The following GAB1 variants were observed in gnomAD, a reference collection of about 807,000 sequenced individuals.
GAB1 encodes the protein GRB2 associated binding protein 1.
In GAB1, 19 loss-of-function variants were observed where a neutral mutation model predicts 66.5. That is an observed-to-expected ratio of 0.29 (90% CI 0.20 to 0.42). The LOEUF (loss-of-function observed/expected upper bound fraction) is 0.42, where lower values mean the gene tolerates loss of function less well. GAB1 is among the 10% of genes least tolerant of loss of function. The pLI is 1.00. For missense variants in GAB1, 732 were observed against 858.5 expected (o/e 0.85, Z 1.84); for synonymous variants, 294 against 301.4 (o/e 0.98, Z 0.25).
At chr4:143,405,333 AGTT>A (rs1454861584) in intron 1 of GAB1, among the ~76,000 whole-genome samples, 1 of 152,220 alleles carries the variant, frequency 6.6e-6, no homozygotes, top group Non-Finnish European at 1.5e-5. Flanking sequence ...GGCACTGTGA[AGTT>A]GTAGGTTCCT....
intron 8 of GAB1, among the ~76,000 whole-genome samples, chr4:143,460,883 C>G (rs1373536349): frequency 6.6e-6 from 1 of 152,090 alleles, no homozygotes. Context: ...ATTTTTTATA[C>G]TCTTCAAGAA....
Position 143,383,797 on chromosome 4 carries a change from T to G in GAB1, c.73-31680T>G, listed in dbSNP as rs569297556. ...AAGTTCAAGATATGCCAAATAGTCT[T>G]GGCACAATGGCTCACACCTGTAATT... On this transcript the variant is annotated intron_variant, in intron 1 of 9. Coordinates refer to ENST00000262994, the MANE Select transcript of GAB1 (RefSeq NM_002039.4). Among the ~76,000 whole-genome samples the G allele has an allele frequency of 4.8e-4, 73 of 152,172 alleles. 2 individuals are homozygous for G. The highest frequency in any genetic ancestry group is 4.7e-4 in the Non-Finnish European group (32 of 68,028).
At chr4:143,400,524 A>G (rs890244958) in intron 1 of GAB1, among the ~76,000 whole-genome samples, 5 of 152,164 alleles carry the variant, frequency 3.3e-5, no homozygotes, top group African/African-American at 1.2e-4. Flanking sequence ...TCCCCTTCTT[A>G]ATCTATGCCA....
intron 1 of GAB1, among the ~76,000 whole-genome samples, chr4:143,368,737 G>A (rs993390042): frequency 2.0e-5 from 3 of 152,068 alleles, no homozygotes; most frequent in Non-Finnish European, 4.4e-5. Context: ...TGCTTGCTGC[G>A]ATACAAGGCT....
At chr4:143,368,600 A>G (rs1729984934) in intron 1 of GAB1, among the ~76,000 whole-genome samples, 1 of 151,854 alleles carries the variant, frequency 6.6e-6, no homozygotes, top group Non-Finnish European at 1.5e-5. Flanking sequence ...TCCTTCGGAG[A>G]TTTTTCTTCA....
intron 1 of GAB1, among the ~76,000 whole-genome samples, chr4:143,370,222 A>G (rs1730057629): frequency 6.6e-6 from 1 of 152,198 alleles, no homozygotes; most frequent in Non-Finnish European, 1.5e-5. Context: ...AAGAAAGAGG[A>G]GGAAATGTTA....
intron 6 of GAB1, among the ~76,000 whole-genome samples, chr4:143,449,972 T>C (rs995881430): frequency 3.9e-5 from 6 of 152,128 alleles, no homozygotes; most frequent in African/African-American, 1.2e-4. Flanking sequence ...AAAAACTACA[T>C]GTATACACTA....
chr4:143,366,802 G>A lies in GAB1; in HGVS notation c.72+29542G>A, dbSNP rs115465297. Among the ~76,000 whole-genome samples the A allele has an allele frequency of 6.2e-3, 944 of 151,974 alleles. 8 individuals are homozygous for A. The highest frequency in any genetic ancestry group is 0.022 in the African/African-American group (902 of 41,440). Reference sequence around the variant, plus strand: ...TTTTCAATTTGAAAATTTTCAATTTGAAAAAATTGATTTTCAATTCAATTT... The same window carrying A: ...TTTTCAATTTGAAAATTTTCAATTTAAAAAAATTGATTTTCAATTCAATTT... On this transcript the variant is annotated intron_variant, in intron 1 of 9. Coordinates refer to ENST00000262994, the MANE Select transcript of GAB1 (RefSeq NM_002039.4).
At chr4:143,377,759 A>G (rs1239019156) in intron 1 of GAB1, among the ~76,000 whole-genome samples, 1 of 152,200 alleles carries the variant, frequency 6.6e-6, no homozygotes, top group Non-Finnish European at 1.5e-5. Flanking sequence ...CTTCTGTTAT[A>G]CAGAAATACT....
intron 1 of GAB1, among the ~76,000 whole-genome samples, chr4:143,392,421 C>G (rs1230622460): frequency 6.6e-6 from 1 of 152,118 alleles, no homozygotes; most frequent in African/African-American, 2.4e-5. Flanking sequence ...TAGCGTTCAT[C>G]AAAATGATTG....
chr4:143,424,927 C>A, intron 2 of GAB1: 1 of 553,598 alleles, frequency 1.8e-6, no homozygotes, highest in Non-Finnish European at 3.2e-6. Flanking sequence ...TGCACTCCAG[C>A]CTGGTGGCAG....
chr4:143,357,731 T>G (rs1729505421), intron 1 of GAB1, among the ~76,000 whole-genome samples: 1 of 152,078 alleles, frequency 6.6e-6, no homozygotes, highest in Non-Finnish European at 1.5e-5. Context: ...AAAGATACAG[T>G]CTCATGATGC....
At chr4:143,365,414 T>G (rs1729842147) in intron 1 of GAB1, among the ~76,000 whole-genome samples, 1 of 152,206 alleles carries the variant, frequency 6.6e-6, no homozygotes, top group Non-Finnish European at 1.5e-5. Context: ...AATGTTGGTC[T>G]CTAATGTGCC....
intron 1 of GAB1, among the ~76,000 whole-genome samples, chr4:143,378,152 T>C (rs991254180): frequency 6.6e-5 from 10 of 152,204 alleles, no homozygotes; most frequent in African/African-American, 2.4e-4. Flanking sequence ...AATTGAAAAA[T>C]TGTAAAAATG....
In GAB1 at chr4:143,470,867, A is replaced by C. The variant is rs1736044386; in HGVS notation, c.*1678A>C. On this transcript the variant is annotated 3_prime_UTR_variant, in exon 10 of 10. Coordinates refer to ENST00000262994, the MANE Select transcript of GAB1 (RefSeq NM_002039.4). ...ACTAAAAATGTTCATAACAAGATGA[A>C]TTGTAGACTAGTAACATTTGATGCT... is the stretch of plus-strand genomic sequence containing the variant. The C allele has an allele frequency of 6.6e-6, 1 of 152,250 alleles. No individual in the cohort carries two copies. Among genetic ancestry groups the C allele is most frequent in the African/African-American group, 2.4e-5 (1 of 41,476 alleles). The allele number at this position is 152,250 out of a possible 1,614,324, so 9.4% of individuals were successfully genotyped here.
At chr4:143,448,368 A>C (rs1015529671) in intron 6 of GAB1, among the ~76,000 whole-genome samples, 8 of 151,872 alleles carry the variant, frequency 5.3e-5, no homozygotes, top group Non-Finnish European at 8.8e-5. Context: ...AAGGAATGGT[A>C]CCAGTTCTTC....
Position 143,438,586 on chromosome 4 carries a change from A to G in GAB1, c.1181A>G (p.Asn394Ser), listed in dbSNP as rs1157224464. The change falls in exon 4 of 10, where the codon AAC (asparagine) becomes AGC (serine). Residue 394 changes from asparagine (N) to serine (S), a missense_variant. Asn to Ser is a conservative substitution (Grantham distance 46, BLOSUM62 1). Coordinates refer to ENST00000262994, the MANE Select transcript of GAB1 (RefSeq NM_002039.4). ...RSNTISTVDL[N>S]KLRKDASSQD... ...AATACCATTTCCACTGTGGATTTAA[A>G]CAAATTGCGAAAAGGTCAGCTCTAG... is the stretch of plus-strand genomic sequence containing the variant. The G allele has an allele frequency of 6.2e-7, 1 of 1,612,880 alleles. No homozygotes were observed.
intron 6 of GAB1, among the ~76,000 whole-genome samples, chr4:143,446,482 C>G (rs1200919226): frequency 8.7e-5 from 13 of 149,118 alleles, no homozygotes; most frequent in South Asian, 4.2e-4. Flanking sequence ...TAATGATTGC[C>G]ATTCTAACTG....
intron 2 of GAB1, among the ~76,000 whole-genome samples, chr4:143,423,694 G>A (rs1045398513): frequency 6.7e-6 from 1 of 149,112 alleles, no homozygotes; most frequent in African/African-American, 2.5e-5. Flanking sequence ...GGAGAATGGC[G>A]TGAACCCGGG....
Sources: gnomAD v4.1 joint callset for allele counts (sites outside exome capture counted in the v4.1 genomes callset) on GRCh38, gnomAD v4.1.1 for gene constraint, MANE v1.5 for transcripts, NCBI Gene and HGNC (gene_info 2026-07-23, HGNC 2026-07-21) for gene names.